XKR9: variants seen among roughly 807,000 people sequenced by gnomAD.
The protein encoded by XKR9 is XK related 9, also known as XK-related protein 9.
A neutral mutation model predicts 32.0 loss-of-function variants in XKR9; 32 were observed. That is an observed-to-expected ratio of 1.00 (90% CI 0.76 to 1.34). The LOEUF is 1.34. Among genes scored for constraint, XKR9 ranks in the 40% most tolerant of loss-of-function variants. XKR9 has a pLI of 0.00. For synonymous variants in XKR9, 168 were observed against 143.4 expected (o/e 1.17, Z -1.22); for missense variants, 546 against 429.7 (o/e 1.27, Z -2.39).
At chr8:70,790,474 G>T (rs1807750328), downstream of XKR9, 1 of 151,998 alleles carries the variant, frequency 6.6e-6, no homozygotes. Flanking sequence ...ACCTTGAAAT[G>T]CTCTGACTCC....
the XKR9 span, among the ~76,000 whole-genome samples, chr8:71,026,520 G>A: frequency 6.6e-6 from 1 of 152,172 alleles, no homozygotes; most frequent in African/African-American, 2.4e-5. Context: ...TGTACGGTGT[G>A]TCCTGGGAGT....
the XKR9 span, among the ~76,000 whole-genome samples, chr8:70,955,044 G>A: frequency 5.6e-4 from 86 of 152,302 alleles, no homozygotes; most frequent in South Asian, 1.2e-3. Context: ...TTTATTCCAC[G>A]AGAGCTTTGT....
chr8:70,986,581 A>G, the XKR9 span, among the ~76,000 whole-genome samples: 1 of 152,212 alleles, frequency 6.6e-6, no homozygotes, highest in African/African-American at 2.4e-5. Context: ...TTTAGACAGC[A>G]GACTTTTGAA....
intron 3 of XKR9, among the ~76,000 whole-genome samples, chr8:70,686,767 C>T (rs1368140767): frequency 3.3e-5 from 5 of 152,024 alleles, no homozygotes; most frequent in East Asian, 1.9e-4. Flanking sequence ...TTTACCTTTA[C>T]TCCTTTAGGT....
the XKR9 span, among the ~76,000 whole-genome samples, chr8:71,019,949 T>A: frequency 6.6e-6 from 1 of 152,190 alleles, no homozygotes; most frequent in Non-Finnish European, 1.5e-5. Flanking sequence ...TACTTACTGT[T>A]ATTTTGATCT....
At chr8:70,769,096 C>T (rs910009693) in intron 2 of XKR9, among the ~76,000 whole-genome samples, 14 of 151,956 alleles carry the variant, frequency 9.2e-5, no homozygotes, top group Admixed American at 6.6e-5. Flanking sequence ...TTAGTGCTTC[C>T]TTTAGGAGCT....
rs1212270679 is a variant in XKR9, at chr8:70,754,186, T to C, written n.353-35153T>C. ...CACAATTGCTACAAAGAGAATAAAA[T>C]ACTTAGGAATCAACTTACAAGGGAT... is the stretch of plus-strand genomic sequence containing the variant. On this transcript the variant is annotated intron_variant and non_coding_transcript_variant, in intron 2 of 3. Coordinates refer to the XKR9 transcript ENST00000520273. Among the ~76,000 whole-genome samples, 3 of 147,950 alleles carry C rather than the reference T, an allele frequency of 2.0e-5. No individual in the cohort carries two copies. In the East Asian group the frequency reaches 6.5e-4, roughly 32 times the overall value.
At chr8:70,772,500 T>C (rs1358002895) in intron 2 of XKR9, among the ~76,000 whole-genome samples, 1 of 152,184 alleles carries the variant, frequency 6.6e-6, no homozygotes, top group Admixed American at 6.5e-5. Flanking sequence ...CCAATCTAGT[T>C]TAAAACACCA....
chr8:71,037,342 C>T, the XKR9 span, among the ~76,000 whole-genome samples: 5 of 152,190 alleles, frequency 3.3e-5, no homozygotes, highest in East Asian at 9.7e-4. Flanking sequence ...TCATTATATT[C>T]TTTAGGAAAC....
the XKR9 span, among the ~76,000 whole-genome samples, chr8:70,954,889 C>A: frequency 1.3e-5 from 2 of 152,172 alleles, no homozygotes; most frequent in Non-Finnish European, 2.9e-5. Context: ...CTGAGAGATT[C>A]TTTCCCTCCT....
chr8:70,979,555 T>C, the XKR9 span, among the ~76,000 whole-genome samples: 1 of 152,228 alleles, frequency 6.6e-6, no homozygotes, highest in African/African-American at 2.4e-5. Flanking sequence ...TTTTCCTGGG[T>C]ATCTCCAGCG....
intron 1 of XKR9, among the ~76,000 whole-genome samples, chr8:70,673,656 T>C (rs1485440184): frequency 6.6e-6 from 1 of 152,006 alleles, no homozygotes; most frequent in South Asian, 2.1e-4. Flanking sequence ...TCCCAGCTAC[T>C]TGGGAGGCCG....
At position 70,752,384 on chromosome 8, in the gene XKR9, C is replaced by G. The variant is rs191887146; in HGVS notation, n.353-36955C>G. Among the ~76,000 whole-genome samples the G allele has an allele frequency of 3.2e-4, 48 of 152,274 alleles. 1 individual carries two copies. The East Asian group carries it at 8.1e-3, about 26-fold the overall frequency. On this transcript the variant is annotated intron_variant and non_coding_transcript_variant, in intron 2 of 3. Coordinates refer to the XKR9 transcript ENST00000520273. ...TGGGTGGTTCAAGATTGAGTGGCCA[C>G]ATCTCGTTGGCTTCTGGTGAGGGCC...
At chr8:70,815,509 TTTTA>T in the XKR9 span, among the ~76,000 whole-genome samples, 58 of 141,826 alleles carry the variant, frequency 4.1e-4, no homozygotes, top group Middle Eastern at 3.5e-3. Context: ...CATTCCTTTA[TTTTA>T]TTTATTTATT....
intron 4 of XKR9, among the ~76,000 whole-genome samples, chr8:70,716,586 G>T (rs1806098025): frequency 6.6e-6 from 1 of 152,042 alleles, no homozygotes; most frequent in South Asian, 2.1e-4. Flanking sequence ...AGAACAACAT[G>T]GGGGAAACTA....
At chr8:70,845,049 G>C in the XKR9 span, among the ~76,000 whole-genome samples, 1 of 152,120 alleles carries the variant, frequency 6.6e-6, no homozygotes, top group African/African-American at 2.4e-5. Flanking sequence ...GGCATGCCTG[G>C]CCCACTGCTG....
the XKR9 span, among the ~76,000 whole-genome samples, chr8:70,951,594 T>C: frequency 5.4e-3 from 827 of 152,362 alleles, 10 homozygotes; most frequent in African/African-American, 0.019. Context: ...GGACACTGTA[T>C]TCATAGAGGA....
intron 2 of XKR9, among the ~76,000 whole-genome samples, chr8:70,771,632 G>T (rs1807455072): frequency 6.6e-6 from 1 of 152,158 alleles, no homozygotes; most frequent in Non-Finnish European, 1.5e-5. Context: ...AGTCATTCTA[G>T]CTTGCATATG....
intron 3 of XKR9, among the ~76,000 whole-genome samples, chr8:70,689,824 T>C (rs1443200439): frequency 2.0e-5 from 3 of 152,252 alleles, no homozygotes; most frequent in Middle Eastern, 3.4e-3. Context: ...AAAACTAATA[T>C]ATATTTATGT....
Sources: gnomAD v4.1 joint callset for allele counts (sites outside exome capture counted in the v4.1 genomes callset) on GRCh38, gnomAD v4.1.1 for gene constraint, MANE v1.5 for transcripts, NCBI Gene and HGNC (gene_info 2026-07-23, HGNC 2026-07-21) for gene names.